YES1: variants seen among roughly 807,000 people sequenced by gnomAD.
YES1 encodes tyrosine-protein kinase Yes.
In YES1, 39 loss-of-function variants were observed where a neutral mutation model predicts 70.4. That is an observed-to-expected ratio of 0.55 (90% CI 0.43 to 0.72). The LOEUF (loss-of-function observed/expected upper bound fraction) is 0.72, where lower values mean the gene tolerates loss of function less well. YES1 is among the 30% of genes least tolerant of loss of function. The pLI is 0.00. For missense variants in YES1, 495 were observed against 644.8 expected (o/e 0.77, Z 2.52); for synonymous variants, 198 against 218.6 (o/e 0.91, Z 0.83).
chr18:802,862 C>T lies in YES1; in HGVS notation c.-9+9252G>A, dbSNP rs1441889706. Among the ~76,000 whole-genome samples, 3 of 151,654 alleles carry T rather than the reference C, an allele frequency of 2.0e-5. 1 individual carries two copies. Among genetic ancestry groups the T allele is most frequent in the Admixed American group, 2.0e-4 (3 of 15,214 alleles). The stretch of plus-strand genomic sequence containing the variant: ...CTTCGGGAGGTTGAGGCAAGTGGAT[C>T]GCTTGAGCCCAGGAGTTCGAGACAG... On this transcript the variant is annotated intron_variant, in intron 1 of 11. Transcript: ENST00000314574.
intron 10 of YES1, among the ~76,000 whole-genome samples, chr18:734,685 G>GT (rs2080131420): frequency 6.7e-6 from 1 of 148,590 alleles, no homozygotes; most frequent in Non-Finnish European, 1.5e-5. Flanking sequence ...TAATGAATAA[G>GT]TAAAAAAAAA....
intron 1 of YES1, among the ~76,000 whole-genome samples, chr18:802,981 A>G (rs1906902854): frequency 6.6e-6 from 1 of 152,196 alleles, no homozygotes; most frequent in Non-Finnish European, 1.5e-5. Context: ...TTTTCCCAGC[A>G]CTTTGGGAGG....
intron 1 of YES1, among the ~76,000 whole-genome samples, chr18:786,771 C>T (rs1303287732): frequency 1.3e-5 from 2 of 152,022 alleles, no homozygotes; most frequent in Admixed American, 1.3e-4. Flanking sequence ...CTCCAAGGAC[C>T]ATATCTCTAC....
Position 751,704 on chromosome 18 carries a change from C to A in YES1, c.371+1G>T. 3.3e-6 allele frequency: 5 copies of A among 1,529,772 alleles called. No individual in the cohort carries two copies. Among genetic ancestry groups the A allele is most frequent in the Non-Finnish European group, 4.5e-6 (5 of 1,107,080 alleles). 94.8% of individuals were successfully genotyped at this position (1,529,772 alleles called of 1,614,324 possible). On this transcript the variant is annotated splice_donor_variant, in intron 3 of 11. Coordinates refer to ENST00000314574, the MANE Select transcript of YES1 (RefSeq NM_005433.4). LOFTEE classifies it high-confidence loss of function. ...TCTCACAAAATATTCATGACACTTA[C>A]GTATTGTTAATTATTTGAAATCTTT...
At chr18:790,522 A>G (rs902234725) in intron 1 of YES1, among the ~76,000 whole-genome samples, 2 of 152,234 alleles carry the variant, frequency 1.3e-5, no homozygotes, top group Admixed American at 6.5e-5. Flanking sequence ...ATAAACATCA[A>G]TGAAACAGAT....
chr18:725,084 A>T (rs1398460390), intron 11 of YES1, among the ~76,000 whole-genome samples: 2 of 152,184 alleles, frequency 1.3e-5, no homozygotes, highest in Non-Finnish European at 2.9e-5. Context: ...TTTATATTGA[A>T]TTACTTCTGT....
intron 1 of YES1, among the ~76,000 whole-genome samples, chr18:793,394 T>C (rs1906374951): frequency 6.6e-6 from 1 of 152,138 alleles, no homozygotes; most frequent in Admixed American, 6.6e-5. Context: ...TACAGTGCAG[T>C]GGCATGATCA....
At chr18:768,363 G>C (rs1905003210) in intron 1 of YES1, among the ~76,000 whole-genome samples, 1 of 152,148 alleles carries the variant, frequency 6.6e-6, no homozygotes, top group South Asian at 2.1e-4. Context: ...GATCAATCTG[G>C]GGAGAAATGA....
At chr18:763,659 G>A (rs185284488) in intron 1 of YES1, among the ~76,000 whole-genome samples, 9 of 142,258 alleles carry the variant, frequency 6.3e-5, no homozygotes, top group East Asian at 2.2e-4. Flanking sequence ...AGCTGTGATC[G>A]TGCCACTGCA....
intron 1 of YES1, among the ~76,000 whole-genome samples, chr18:781,286 A>AAAAAT (rs1022009400): frequency 2.0e-5 from 3 of 150,786 alleles, no homozygotes; most frequent in Non-Finnish European, 3.0e-5. Flanking sequence ...AAAAAAAAAA[A>AAAAAT]TAAGAGGGCC....
intron 1 of YES1, among the ~76,000 whole-genome samples, chr18:789,644 C>T (rs1906139725): frequency 6.6e-6 from 1 of 152,098 alleles, no homozygotes; most frequent in Admixed American, 6.6e-5. Flanking sequence ...CAATGAACTA[C>T]AGCAAAGGCT....
intron 1 of YES1, 145 bp from the exon 2 acceptor site, chr18:756,980 C>G (rs2080415619): frequency 1.2e-6 from 1 of 817,326 alleles, no homozygotes; most frequent in African/African-American, 1.7e-5. Flanking sequence ...AAGCTGAAAA[C>G]GAGGTCTCTT....
chr18:783,869 C>G (rs1488699758), intron 1 of YES1, among the ~76,000 whole-genome samples: 1 of 152,174 alleles, frequency 6.6e-6, no homozygotes, highest in African/African-American at 2.4e-5. Flanking sequence ...CTGGCTCAGC[C>G]TCCCAAAGTG....
intron 11 of YES1, among the ~76,000 whole-genome samples, chr18:729,097 C>A (rs566546180): frequency 6.6e-6 from 1 of 152,286 alleles, no homozygotes; most frequent in South Asian, 2.1e-4. Flanking sequence ...CACTATGCCC[C>A]ACTGGTTTCA....
intron 1 of YES1, among the ~76,000 whole-genome samples, chr18:757,502 C>CAAA (rs747227284): frequency 3.3e-5 from 3 of 91,232 alleles, no homozygotes; most frequent in Non-Finnish European, 4.6e-5. Flanking sequence ...GACTCCGTCT[C>CAAA]AAAAAAAAAA....
chr18:800,536 G>A (rs4121552), intron 1 of YES1, among the ~76,000 whole-genome samples: 56,636 of 152,048 alleles, frequency 0.37, 11,457 homozygotes, highest in African/African-American at 0.52. Flanking sequence ...TAGTATTCCC[G>A]CTAGAAAACA....
chr18:729,401 C>A (rs565207580), intron 11 of YES1, among the ~76,000 whole-genome samples: 1 of 151,358 alleles, frequency 6.6e-6, no homozygotes, highest in Non-Finnish European at 1.5e-5. Context: ...GGAGACAGAG[C>A]GAGACTCTGT....
At chr18:788,829 G>A (rs1906097416) in intron 1 of YES1, among the ~76,000 whole-genome samples, 1 of 152,174 alleles carries the variant, frequency 6.6e-6, no homozygotes, top group Admixed American at 6.5e-5. Flanking sequence ...GGGAGGCTGA[G>A]GCAGGAGAAT....
At chr18:736,209 A>G (rs939098174) in intron 10 of YES1, 5 of 46,282 alleles carry the variant, frequency 1.1e-4, no homozygotes, top group African/African-American at 5.2e-4. Context: ...ACAGATAGGA[A>G]GGCATTCCAG....
Sources: gnomAD v4.1 joint callset for allele counts (sites outside exome capture counted in the v4.1 genomes callset) on GRCh38, gnomAD v4.1.1 for gene constraint, MANE v1.5 for transcripts, NCBI Gene and HGNC (gene_info 2026-07-23, HGNC 2026-07-21) for gene names.